Variants in HTR1F observed in about 807,000 individuals in gnomAD.
The protein encoded by HTR1F is 5-hydroxytryptamine receptor 1F, also known as 5-hydroxytryptamine (serotonin) receptor 1F, G protein-coupled.
A neutral mutation model predicts 24.0 loss-of-function variants in HTR1F; 17 were observed. The ratio of observed to expected loss-of-function variants is 0.71; its 90% CI spans 0.48 to 1.06. HTR1F has a LOEUF of 1.06. Among genes scored for constraint, HTR1F ranks in the 50% least tolerant of loss-of-function variants. The pLI is 0.00. For missense variants in HTR1F, 391 were observed against 427.8 expected (o/e 0.91, Z 0.76); for synonymous variants, 186 against 156.8 (o/e 1.19, Z -1.39).
At chr3:87,827,676 G>A (rs1704493458) in intron 2 of HTR1F, among the ~76,000 whole-genome samples, 4 of 152,278 alleles carry the variant, frequency 2.6e-5, no homozygotes, top group South Asian at 2.1e-4. Context: ...AAGCAATGAA[G>A]CAAAATTTAA....
intron 2 of HTR1F, among the ~76,000 whole-genome samples, chr3:87,921,143 G>T (rs1018222272): frequency 6.6e-6 from 1 of 151,914 alleles, no homozygotes; most frequent in African/African-American, 2.4e-5. Context: ...GAGGTTGGGG[G>T]TGAATCATTA....
chr3:87,904,285 G>T (rs1326363836), intron 2 of HTR1F, among the ~76,000 whole-genome samples: 1 of 152,008 alleles, frequency 6.6e-6, no homozygotes, highest in Non-Finnish European at 1.5e-5. Flanking sequence ...AGTGTAAAAA[G>T]GTTTAAATTC....
At position 87,809,533 on chromosome 3, in the gene HTR1F, A is replaced by G. The variant is rs368628598; in HGVS notation, c.-159-12475A>G. Reference sequence around the variant, plus strand: ...AGCTTTTCTTTTTTGATTTACATGCATTTAATTTGTGATAAGTTCCACTGT... The same window carrying G: ...AGCTTTTCTTTTTTGATTTACATGCGTTTAATTTGTGATAAGTTCCACTGT... On this transcript the variant is annotated intron_variant, in intron 1 of 2. Transcript: ENST00000319595. 6.6e-5 allele frequency among the ~76,000 whole-genome samples: 10 copies of G among 152,156 alleles called. No individual in the cohort carries two copies. In the East Asian group the frequency reaches 7.7e-4, roughly 12 times the overall value.
chr3:87,866,813 T>C (rs1705436733), intron 2 of HTR1F, among the ~76,000 whole-genome samples: 1 of 96,146 alleles, frequency 1.0e-5, no homozygotes, highest in Admixed American at 8.7e-5. Flanking sequence ...GGCACAAGTG[T>C]GCGTGCGTGT....
chr3:87,972,114 A>G (rs1292611395), intron 2 of HTR1F, among the ~76,000 whole-genome samples: 1 of 152,180 alleles, frequency 6.6e-6, no homozygotes, highest in Non-Finnish European at 1.5e-5. Flanking sequence ...GCAGGAACCA[A>G]ATTTTGTTCT....
At chr3:87,953,707 T>A (rs1704884185) in intron 2 of HTR1F, among the ~76,000 whole-genome samples, 1 of 151,512 alleles carries the variant, frequency 6.6e-6, no homozygotes. Context: ...GCAAAGAAAA[T>A]CAGTATATCA....
Position 87,984,423 on chromosome 3 carries a change from G to C in HTR1F, c.-42-6285G>C, listed in dbSNP as rs1559658690. 2.7e-5 allele frequency among the ~76,000 whole-genome samples: 4 copies of C among 149,946 alleles called. No homozygotes were observed. The Admixed American group carries it at 2.7e-4, about 10-fold the overall frequency. On this transcript the variant is annotated intron_variant, in intron 2 of 2. Coordinates refer to ENST00000319595, the MANE Select transcript of HTR1F (RefSeq NM_001322209.2). ...TTTTGTCCAGGGATAGATTTTTCTT[G>C]GTGGTGGTAGGAAAGAGGTTTTTTT...
rs375401300 is a variant in HTR1F, at chr3:87,991,067, C to T, written c.318C>T (p.Cys106=). The change falls in exon 3 of 3, where the codon TGC becomes TGT. Residue 106 remains cysteine (C), a synonymous_variant. Coordinates refer to ENST00000319595, the MANE Select transcript of HTR1F (RefSeq NM_001322209.2). ...TTTGGCTGAGTGTTGACATTACCTG[C>T]TGCACGTGCTCCATCTTGCATCTCT... ...CDIWLSVDIT[C]CTCSILHLSA... The T allele has an allele frequency of 1.1e-5, 17 of 1,613,740 alleles. No homozygotes were observed. The highest frequency in any genetic ancestry group is 1.4e-5 in the Non-Finnish European group (17 of 1,179,998).
At chr3:87,794,490 G>A (rs1354696645) in intron 1 of HTR1F, among the ~76,000 whole-genome samples, 1 of 152,144 alleles carries the variant, frequency 6.6e-6, no homozygotes, top group Non-Finnish European at 1.5e-5. Context: ...TTTTACACTT[G>A]CCTGCTATTA....
chr3:87,963,092 A>G (rs1576094897), intron 2 of HTR1F, among the ~76,000 whole-genome samples: 1 of 152,236 alleles, frequency 6.6e-6, no homozygotes, highest in East Asian at 1.9e-4. Context: ...ATTTGTTAAT[A>G]CATGGAAAAT....
intron 2 of HTR1F, among the ~76,000 whole-genome samples, chr3:87,868,473 G>C (rs973539784): frequency 2.0e-5 from 3 of 151,898 alleles, no homozygotes; most frequent in Non-Finnish European, 4.4e-5. Flanking sequence ...ACAAATATTA[G>C]TAGCAGGTTT....
In HTR1F at chr3:87,845,450, G is replaced by C. The variant is rs527463338; in HGVS notation, c.-43+23326G>C. On this transcript the variant is annotated intron_variant, in intron 2 of 2. Coordinates refer to ENST00000319595, the MANE Select transcript of HTR1F (RefSeq NM_001322209.2). ...CCTATACACCAACAACAGACAAACA[G>C]AGAGCCAAATCATGAGTGAACTCCC... 1.4e-3 allele frequency among the ~76,000 whole-genome samples: 216 copies of C among 149,112 alleles called. 2 individuals are homozygous for C. The highest frequency in any genetic ancestry group is 9.8e-3 in the East Asian group (50 of 5,104).
chr3:87,961,429 AG>A (rs1246281517), intron 2 of HTR1F, among the ~76,000 whole-genome samples: 2 of 152,048 alleles, frequency 1.3e-5, no homozygotes, highest in African/African-American at 4.8e-5. Context: ...TAAAGTAGAA[AG>A]TTTCATCAGT....
At chr3:87,946,983 A>G (rs1475759014) in intron 2 of HTR1F, among the ~76,000 whole-genome samples, 1 of 152,184 alleles carries the variant, frequency 6.6e-6, no homozygotes, top group East Asian at 1.9e-4. Context: ...CTGTCCCTAA[A>G]TCCTCTGAAG....
intron 2 of HTR1F, among the ~76,000 whole-genome samples, chr3:87,898,833 C>A (rs943299101): frequency 2.0e-5 from 3 of 152,138 alleles, no homozygotes; most frequent in African/African-American, 7.2e-5. Flanking sequence ...TCAGAGAAAT[C>A]TAAATTGTAT....
intron 2 of HTR1F, among the ~76,000 whole-genome samples, chr3:87,837,490 G>GA (rs1443732839): frequency 6.6e-6 from 1 of 152,002 alleles, no homozygotes; most frequent in East Asian, 1.9e-4. Flanking sequence ...TCCGGAAGCT[G>GA]AATATGTGTC....
intron 2 of HTR1F, among the ~76,000 whole-genome samples, chr3:87,846,436 CA>C (rs10649883): frequency 1.1e-4 from 16 of 147,304 alleles, no homozygotes; most frequent in East Asian, 2.0e-4. Flanking sequence ...GACTCCATCT[CA>C]AAAAAAAAAT....
chr3:87,930,395 A>G (rs1336647627), intron 2 of HTR1F, among the ~76,000 whole-genome samples: 1 of 152,122 alleles, frequency 6.6e-6, no homozygotes, highest in African/African-American at 2.4e-5. Flanking sequence ...GCTTTTGCCC[A>G]TTTGGTAAGA....
chr3:87,906,915 T>C (rs1298314818), intron 2 of HTR1F, among the ~76,000 whole-genome samples: 1 of 152,052 alleles, frequency 6.6e-6, no homozygotes, highest in Non-Finnish European at 1.5e-5. Context: ...ATACACCACA[T>C]TTTCTTTAGC....
Sources: gnomAD v4.1 joint callset for allele counts (sites outside exome capture counted in the v4.1 genomes callset) on GRCh38, gnomAD v4.1.1 for gene constraint, MANE v1.5 for transcripts, NCBI Gene and HGNC (gene_info 2026-07-23, HGNC 2026-07-21) for gene names.